Variants in TRERF1 observed in about 807,000 individuals in gnomAD.
TRERF1 encodes transcriptional-regulating factor 1.
A neutral mutation model predicts 122.9 loss-of-function variants in TRERF1; 27 were observed. The ratio of observed to expected loss-of-function variants is 0.22; its 90% confidence interval spans 0.16 to 0.30. The LOEUF is 0.30. Ranked by LOEUF, TRERF1 falls within the 10% of genes least tolerant of loss-of-function variation. The pLI, the probability that TRERF1 is intolerant of heterozygous loss-of-function variation, is 1.00. For synonymous variants in TRERF1, 636 were observed against 641.7 expected, an observed-to-expected ratio of 0.99 and a Z score of 0.13; for missense variants, 1,248 against 1,560.3, an observed-to-expected ratio of 0.80 and a Z score of 3.37.
intron 4 of TRERF1, among the ~76,000 whole-genome samples, chr6:42,277,965 A>G (rs868542950): frequency 2.7e-5 from 4 of 146,632 alleles, no homozygotes; most frequent in Admixed American, 1.4e-4. Flanking sequence ...AAGAAGAAGA[A>G]GAAGAAGAAG....
intron 3 of TRERF1, among the ~76,000 whole-genome samples, chr6:42,308,147 T>TC: frequency 6.6e-6 from 1 of 152,272 alleles, no homozygotes; most frequent in Non-Finnish European, 1.5e-5. Flanking sequence ...AAATGGGTAC[T>TC]CCAACAGAAA....
intron 3 of TRERF1, among the ~76,000 whole-genome samples, chr6:42,333,353 T>C (rs1765561955): frequency 6.6e-6 from 1 of 152,248 alleles, no homozygotes; most frequent in African/African-American, 2.4e-5. Context: ...AAGAGCTTAC[T>C]TGAAAGAGTA....
At chr6:42,264,153 T>C in intron 7 of TRERF1, among the ~76,000 whole-genome samples, 1 of 152,350 alleles carries the variant, frequency 6.6e-6, no homozygotes, top group African/African-American at 2.4e-5. Flanking sequence ...ATTAAAATAA[T>C]TCTGAGAAAA....
At chr6:42,366,103 C>G (rs1400145710) in intron 2 of TRERF1, among the ~76,000 whole-genome samples, 1 of 152,182 alleles carries the variant, frequency 6.6e-6, no homozygotes, top group African/African-American at 2.4e-5. Flanking sequence ...CCTCTGGCCA[C>G]CCAGCTCCAG....
chr6:42,235,619 T>C lies in TRERF1; in HGVS notation c.3066+586A>G, dbSNP rs552040655. Among the ~76,000 whole-genome samples the C allele has an allele frequency of 1.9e-3, 293 of 152,356 alleles. 1 individual carries two copies. The highest frequency in any genetic ancestry group is 6.4e-3 in the African/African-American group (268 of 41,566). ...TTTCAGCCTGTTTATATGATTAATT[T>C]ACTTTTAGTAAATCTTTTTTTTCTC... On this transcript the variant is annotated intron_variant, in intron 16 of 17. Transcript: ENST00000372922.
chr6:42,314,958 G>A (rs1195011167), intron 3 of TRERF1, among the ~76,000 whole-genome samples: 1 of 152,228 alleles, frequency 6.6e-6, no homozygotes, highest in African/African-American at 2.4e-5. Flanking sequence ...AAAGGCCAAG[G>A]TAAGGAGGTG....
At chr6:42,246,796 A>G (rs953013971) in intron 13 of TRERF1, among the ~76,000 whole-genome samples, 9 of 152,252 alleles carry the variant, frequency 5.9e-5, no homozygotes, top group African/African-American at 2.2e-4. Flanking sequence ...AAATGGGAAT[A>G]ACTATAATTG....
intron 2 of TRERF1, among the ~76,000 whole-genome samples, chr6:42,450,754 T>A (rs888501780): frequency 6.6e-6 from 1 of 152,226 alleles, no homozygotes; most frequent in Non-Finnish European, 1.5e-5. Context: ...TTCTCCCATC[T>A]GGGTGGCCAC....
intron 13 of TRERF1, among the ~76,000 whole-genome samples, chr6:42,252,344 T>C (rs965763184): frequency 3.9e-5 from 6 of 152,244 alleles, no homozygotes; most frequent in African/African-American, 1.4e-4. Context: ...CGTAGGCCTG[T>C]GTCTTTGTCT....
intron 2 of TRERF1, among the ~76,000 whole-genome samples, chr6:42,423,830 T>C (rs567310935): frequency 6.6e-6 from 1 of 152,262 alleles, no homozygotes; most frequent in South Asian, 2.1e-4. Context: ...TTGGGGAGCT[T>C]GTCACAAACA....
rs547130745 is a variant in TRERF1, at chr6:42,408,503, C to T, written c.-454+42674G>A. On this transcript the variant is annotated intron_variant, in intron 2 of 17. Transcript: ENST00000372922. ...AAGCGATTTTCCTGCCTCAGCCTCC[C>T]GAGTAGCTGGGATTACAGACATGTG... 8.8e-4 allele frequency among the ~76,000 whole-genome samples: 132 copies of T among 150,664 alleles called. 2 individuals carry two copies. Among genetic ancestry groups the T allele is most frequent in the African/African-American group, 3.0e-3 (124 of 41,056 alleles).
Position 42,269,510 on chromosome 6 carries a change from G to T in TRERF1, c.81C>A (p.Gly27=). ...AGTTGTGGTTCAGCCCGCTGTGGAC[G>T]CCAAGTGGTGGCTGTTGGTAGAAAA... The change falls in exon 5 of 18, where the codon GGC becomes GGA. Residue 27 remains glycine (G), a synonymous_variant. Transcript: ENST00000372922. This position sits in a 1 kb window ranked among gnomAD's most constrained non-coding sequence, Gnocchi z 4.9. The T allele has an allele frequency of 6.2e-7, 1 of 1,614,226 alleles. No homozygotes were observed. The highest frequency in any genetic ancestry group is 8.5e-7 in the Non-Finnish European group (1 of 1,180,040).
At chr6:42,449,406 G>T (rs1441415742) in intron 2 of TRERF1, among the ~76,000 whole-genome samples, 1 of 148,596 alleles carries the variant, frequency 6.7e-6, no homozygotes, top group Non-Finnish European at 1.5e-5. Context: ...TAAAAAGAAC[G>T]AATTATGATT....
At chr6:42,395,397 T>C in intron 2 of TRERF1, among the ~76,000 whole-genome samples, 1 of 152,110 alleles carries the variant, frequency 6.6e-6, no homozygotes, top group Non-Finnish European at 1.5e-5. Context: ...CAGTATTCAG[T>C]TCTCAGGAAA....
At chr6:42,343,863 C>G (rs1211827561) in intron 3 of TRERF1, among the ~76,000 whole-genome samples, 1 of 152,198 alleles carries the variant, frequency 6.6e-6, no homozygotes, top group African/African-American at 2.4e-5. Flanking sequence ...AAGCTGGCAC[C>G]TACAGTGCTA....
chr6:42,377,367 T>C (rs750662279), intron 2 of TRERF1, among the ~76,000 whole-genome samples: 53 of 152,190 alleles, frequency 3.5e-4, no homozygotes, highest in Admixed American at 4.6e-4. Context: ...CTGCTTTCTA[T>C]CTCTACAGAT....
chr6:42,446,148 A>G (rs1787470290), intron 2 of TRERF1, among the ~76,000 whole-genome samples: 1 of 152,252 alleles, frequency 6.6e-6, no homozygotes, highest in Non-Finnish European at 1.5e-5. Context: ...TCCTGACCTC[A>G]GGCTATCCAC....
At chr6:42,352,487 T>A (rs1769651843) in intron 3 of TRERF1, among the ~76,000 whole-genome samples, 1 of 152,164 alleles carries the variant, frequency 6.6e-6, no homozygotes, top group Non-Finnish European at 1.5e-5. Flanking sequence ...GTTACTGAAA[T>A]AAAAAAGCAG....
chr6:42,373,945 C>T (rs1450583573), intron 2 of TRERF1, among the ~76,000 whole-genome samples: 4 of 150,238 alleles, frequency 2.7e-5, no homozygotes, highest in Admixed American at 6.6e-5. Flanking sequence ...CCATCCTGGC[C>T]GACATGGTGA....
Sources: gnomAD v4.1 joint callset for allele counts (sites outside exome capture counted in the v4.1 genomes callset) on GRCh38, gnomAD v4.1.1 for gene constraint, Gnocchi (gnomAD v3.1) non-coding constraint, MANE v1.5 for transcripts, NCBI Gene and HGNC (gene_info 2026-07-23, HGNC 2026-07-21) for gene names.